CACNA2D1: variants seen among roughly 807,000 people sequenced by gnomAD.
CACNA2D1 encodes the protein calcium voltage-gated channel auxiliary subunit alpha2delta 1.
A neutral mutation model predicts 171.5 loss-of-function variants in CACNA2D1; 53 were observed. That is an observed-to-expected ratio of 0.31 (90% CI 0.25 to 0.39). CACNA2D1 has a LOEUF of 0.39. Among genes scored for constraint, CACNA2D1 ranks in the 10% least tolerant of loss-of-function variants. CACNA2D1 has a pLI of 1.00. For missense variants in CACNA2D1, 903 were observed against 1,299.8 expected (o/e 0.69, Z 4.69); for synonymous variants, 442 against 443.1 (o/e 1.00, Z 0.03).
At chr7:82,092,615 C>G (rs1313387464) in intron 6 of CACNA2D1, among the ~76,000 whole-genome samples, 2 of 144,696 alleles carry the variant, frequency 1.4e-5, no homozygotes, top group Non-Finnish European at 3.0e-5. Flanking sequence ...GGATGGTCTC[C>G]ATCTCCTCAC....
rs1023562231 is a variant in CACNA2D1 at position 82,443,649 on chromosome 7, G to A, written c.-190C>T. Reference sequence around the variant, plus strand: ...GGGCGGGAGCGGACGCCGAGGAAGGGGCGGTGGCGGGCGGACCCACTAGCG... The same window carrying A: ...GGGCGGGAGCGGACGCCGAGGAAGGAGCGGTGGCGGGCGGACCCACTAGCG... On this transcript the variant is annotated 5_prime_UTR_variant, in exon 1 of 39. Transcript: ENST00000356860. 7.8e-7 allele frequency: 1 copy of A among 1,288,144 alleles called. No homozygotes were observed. The allele number at this position is 1,288,144 out of a possible 1,614,324, so 79.8% of individuals were successfully genotyped here.
chr7:82,218,909 TA>T (rs1801461813), intron 3 of CACNA2D1, among the ~76,000 whole-genome samples: 2 of 152,130 alleles, frequency 1.3e-5, no homozygotes, highest in South Asian at 4.1e-4. Flanking sequence ...ATTATCAAAA[TA>T]AAAATATTAG....
intron 4 of CACNA2D1, among the ~76,000 whole-genome samples, chr7:82,159,643 G>A (rs757909543): frequency 4.6e-5 from 7 of 151,290 alleles, no homozygotes; most frequent in Non-Finnish European, 1.0e-4. Context: ...GAAAATAAAA[G>A]ATAAAGGGGT....
intron 1 of CACNA2D1, among the ~76,000 whole-genome samples, chr7:82,400,138 T>G (rs1380665451): frequency 6.6e-6 from 1 of 150,738 alleles, no homozygotes; most frequent in Non-Finnish European, 1.5e-5. Context: ...GGTAGTGTGA[T>G]GCCTCCAGCT....
intron 1 of CACNA2D1, among the ~76,000 whole-genome samples, chr7:82,439,613 A>G (rs1190496842): frequency 6.6e-6 from 1 of 151,576 alleles, no homozygotes; most frequent in Non-Finnish European, 1.5e-5. Context: ...TTCAAAAATT[A>G]TATCCATTTC....
In CACNA2D1 at chr7:82,385,647, G is replaced by GTTGTT. The variant is rs36232215; in HGVS notation, c.96-36003_96-35999dup. 5.3e-3 allele frequency among the ~76,000 whole-genome samples: 769 copies of GTTGTT among 146,030 alleles called. 4 individuals are homozygous for GTTGTT. Among genetic ancestry groups the GTTGTT allele is most frequent in the African/African-American group, 0.017 (665 of 39,776 alleles). ...GACATTATATTTAAGGGGTTTTTTGGTTGTTTTGTTTTGTTTTGTTTTGTT... is the reference window on the plus strand; with the variant it reads ...GACATTATATTTAAGGGGTTTTTTGGTTGTTTTGTTTTGTTTTGTTTTGTTTTGTT... On this transcript the variant is annotated intron_variant, in intron 1 of 38. Coordinates refer to ENST00000356860, the MANE Select transcript of CACNA2D1 (RefSeq NM_000722.4).
chr7:82,172,714 A>T (rs1796162674), intron 3 of CACNA2D1, among the ~76,000 whole-genome samples: 1 of 145,104 alleles, frequency 6.9e-6, no homozygotes, highest in South Asian at 2.2e-4. Context: ...CTGGTATTAC[A>T]CACATGAGCC....
intron 3 of CACNA2D1, among the ~76,000 whole-genome samples, chr7:82,325,521 G>A (rs1228139597): frequency 6.6e-6 from 1 of 152,088 alleles, no homozygotes; most frequent in African/African-American, 2.4e-5. Context: ...TGATTTAACT[G>A]GACAAATGAC....
At chr7:82,335,045 C>T (rs1817819383) in intron 3 of CACNA2D1, 90 bp downstream of exon 3, 5 of 845,856 alleles carry the variant, frequency 5.9e-6, no homozygotes, top group South Asian at 1.4e-5. Context: ...AGAAGAAGAA[C>T]GCATACCAAA....
intron 3 of CACNA2D1, among the ~76,000 whole-genome samples, chr7:82,263,634 T>A (rs1410852269): frequency 3.3e-5 from 5 of 152,220 alleles, no homozygotes. Flanking sequence ...CACTTAGAGA[T>A]AACTTAAAAG....
chr7:82,075,434 G>A (rs942220689), intron 7 of CACNA2D1, among the ~76,000 whole-genome samples: 10 of 152,164 alleles, frequency 6.6e-5, no homozygotes, highest in African/African-American at 2.2e-4. Context: ...GTCATTAAGT[G>A]ACTTGGAAAT....
intron 3 of CACNA2D1, among the ~76,000 whole-genome samples, chr7:82,287,838 A>AC (rs1811004693): frequency 2.1e-5 from 3 of 144,480 alleles, no homozygotes; most frequent in Admixed American, 2.1e-4. Context: ...TTATCTCCTT[A>AC]CTTTTTTTTG....
At chr7:82,285,612 T>C (rs1810661442) in intron 3 of CACNA2D1, among the ~76,000 whole-genome samples, 2 of 152,176 alleles carry the variant, frequency 1.3e-5, no homozygotes, top group Non-Finnish European at 2.9e-5. Flanking sequence ...CTGGATCCAC[T>C]ATGATTAGTG....
intron 3 of CACNA2D1, among the ~76,000 whole-genome samples, chr7:82,333,663 TG>T (rs914424785): frequency 2.0e-5 from 3 of 151,734 alleles, no homozygotes; most frequent in Non-Finnish European, 4.4e-5. Context: ...AGATGAGATT[TG>T]GGTGAGGACA....
chr7:82,321,881 C>T (rs1321083921), intron 3 of CACNA2D1, among the ~76,000 whole-genome samples: 1 of 151,900 alleles, frequency 6.6e-6, no homozygotes, highest in Non-Finnish European at 1.5e-5. Context: ...AATCCCAGCA[C>T]TTTGGGAGGC....
At chr7:82,113,991 C>T (rs867933808) in intron 6 of CACNA2D1, among the ~76,000 whole-genome samples, 8 of 151,976 alleles carry the variant, frequency 5.3e-5, no homozygotes, top group African/African-American at 1.7e-4. Context: ...CCAAAGAATG[C>T]CTATGACTTC....
chr7:82,399,876 G>A (rs945869422), intron 1 of CACNA2D1, among the ~76,000 whole-genome samples: 22 of 152,070 alleles, frequency 1.4e-4, no homozygotes, highest in East Asian at 7.7e-4. Flanking sequence ...CATTTAAGTC[G>A]CTAATTCAAA....
chr7:82,351,198 T>C (rs1819805752), intron 1 of CACNA2D1, among the ~76,000 whole-genome samples: 1 of 152,054 alleles, frequency 6.6e-6, no homozygotes, highest in Non-Finnish European at 1.5e-5. Flanking sequence ...AATGGAGATT[T>C]AACTGTGTAT....
chr7:81,986,565 AG>A (rs1796996521), intron 21 of CACNA2D1, among the ~76,000 whole-genome samples: 1 of 152,156 alleles, frequency 6.6e-6, no homozygotes, highest in Admixed American at 6.5e-5. Context: ...CTCTATGAAA[AG>A]GAAAAAAAAA....
Sources: gnomAD v4.1 joint callset for allele counts (sites outside exome capture counted in the v4.1 genomes callset) on GRCh38, gnomAD v4.1.1 for gene constraint, MANE v1.5 for transcripts, NCBI Gene and HGNC (gene_info 2026-07-23, HGNC 2026-07-21) for gene names.